SLC25A33: variants seen among roughly 807,000 people sequenced by gnomAD.
The protein encoded by SLC25A33 is solute carrier family 25 member 33.
In SLC25A33, 15 loss-of-function variants were observed where a neutral mutation model predicts 35.5. The observed-to-expected ratio is 0.42, with a 90% CI of 0.28 to 0.65. SLC25A33 has a LOEUF of 0.65. Ranked by LOEUF, SLC25A33 falls within the 30% of genes least tolerant of loss-of-function variation. SLC25A33 has a pLI of 0.20. For synonymous variants in SLC25A33, 136 were observed against 148.7 expected, an observed-to-expected ratio of 0.91 and a Z score of 0.62; for missense variants, 257 against 398.5, an observed-to-expected ratio of 0.64 and a Z score of 3.02.
rs573629970 is a variant in SLC25A33, at chr1:9,571,438, C to CA, written c.415+1081dup. On this transcript the variant is annotated intron_variant, in intron 4 of 6. Transcript: ENST00000302692. Reference sequence around the variant, plus strand: ...CCTCCCGAGTAGTTGGGACTATAGGCACGTGTCACCACACCCAGCCAATTT... The same window carrying CA: ...CCTCCCGAGTAGTTGGGACTATAGGCAACGTGTCACCACACCCAGCCAATTT... Among the ~76,000 whole-genome samples, 23 of 151,956 alleles carry CA rather than the reference C, an allele frequency of 1.5e-4. No homozygotes were observed. The East Asian group carries it at 1.7e-3, about 12-fold the overall frequency.
At chr1:9,574,960 T>C (rs543496808) in intron 5 of SLC25A33, among the ~76,000 whole-genome samples, 5 of 152,162 alleles carry the variant, frequency 3.3e-5, no homozygotes, top group Admixed American at 3.3e-4. Context: ...ACACCTGTAA[T>C]CCCAGCACTT....
Position 9,564,899 on chromosome 1 carries a change from G to T in SLC25A33, c.237-2385G>T, listed in dbSNP as rs539522698. On this transcript the variant is annotated intron_variant, in intron 2 of 6. Transcript: ENST00000302692. The stretch of plus-strand genomic sequence containing the variant: ...AGATCGTCCCACTGCACTCCAGCCT[G>T]GGTGATGGAGTAAGACCCTGTCTCA... Among the ~76,000 whole-genome samples, 3 of 151,414 alleles carry T rather than the reference G, an allele frequency of 2.0e-5. No homozygotes were observed. The East Asian group carries it at 5.8e-4, about 29-fold the overall frequency.
chr1:9,549,954 T>G (rs1046935855), intron 1 of SLC25A33, among the ~76,000 whole-genome samples: 51 of 144,174 alleles, frequency 3.5e-4, no homozygotes, highest in African/African-American at 1.3e-3. Flanking sequence ...ATATGTATCT[T>G]TATATATATA....
chr1:9,580,317 C>A (rs1163644130), intron 6 of SLC25A33, 83 bp downstream of exon 6: 1 of 1,519,092 alleles, frequency 6.6e-7, no homozygotes, highest in Non-Finnish European at 8.9e-7. Flanking sequence ...TTCTGAGGCG[C>A]ACATTGAGGC....
intron 1 of SLC25A33, among the ~76,000 whole-genome samples, chr1:9,551,823 G>A (rs1259060566): frequency 6.6e-6 from 1 of 152,190 alleles, no homozygotes; most frequent in Non-Finnish European, 1.5e-5. Flanking sequence ...GGAAAGATAA[G>A]TAAGGCCCCA....
intron 2 of SLC25A33, among the ~76,000 whole-genome samples, chr1:9,562,347 C>CAAA (rs56748646): frequency 5.3e-4 from 45 of 84,158 alleles, no homozygotes; most frequent in African/African-American, 1.3e-3. Context: ...GACTCCATCT[C>CAAA]AAAAAAAAAA....
At chr1:9,567,182 C>A in intron 2 of SLC25A33, 102 bp from the exon 3 acceptor site, 1 of 973,826 alleles carries the variant, frequency 1.0e-6, no homozygotes, top group South Asian at 1.6e-5. Flanking sequence ...ATCTCTCAAA[C>A]ATTTTATTCT....
At chr1:9,552,080 A>G (rs1643273904) in intron 1 of SLC25A33, among the ~76,000 whole-genome samples, 1 of 152,218 alleles carries the variant, frequency 6.6e-6, no homozygotes, top group Non-Finnish European at 1.5e-5. Context: ...ATATCTCGAT[A>G]TGAATATAAG....
At chr1:9,546,278 G>A (rs1399770164) in intron 1 of SLC25A33, among the ~76,000 whole-genome samples, 3 of 143,664 alleles carry the variant, frequency 2.1e-5, no homozygotes, top group East Asian at 2.2e-4. Flanking sequence ...TCCATCTCCC[G>A]GGTTCACGCC....
At chr1:9,555,369 T>C (rs562106304) in intron 2 of SLC25A33, among the ~76,000 whole-genome samples, 148 of 152,090 alleles carry the variant, frequency 9.7e-4, no homozygotes, top group South Asian at 2.3e-3. Context: ...CCGCCCACCT[T>C]GACCTCCCAA....
intron 5 of SLC25A33, among the ~76,000 whole-genome samples, chr1:9,577,283 C>G (rs1299268742): frequency 6.6e-6 from 1 of 152,050 alleles, no homozygotes; most frequent in Admixed American, 6.6e-5. Flanking sequence ...CATGGTGAAA[C>G]CCTGTCCTAC....
At chr1:9,565,047 A>G (rs890699757) in intron 2 of SLC25A33, among the ~76,000 whole-genome samples, 2 of 152,126 alleles carry the variant, frequency 1.3e-5, no homozygotes, top group Non-Finnish European at 2.9e-5. Context: ...AGAGATACCT[A>G]GAGTTGTCAG....
rs578143457 is a variant in SLC25A33, at chr1:9,582,229, T to A, written c.764-70T>A. ...GCACCCGGCCTAACCTTGACAGTTT[T>A]AAAGTTGTGTGCTGTGGATTCGTTC... On this transcript the variant is annotated intron_variant, in intron 6 of 6. Coordinates refer to ENST00000302692, the MANE Select transcript of SLC25A33 (RefSeq NM_032315.3). The surrounding 1 kb of genome is among the most constrained non-coding windows in gnomAD (Gnocchi z 4.0). The A allele has an allele frequency of 1.8e-5, 28 of 1,557,862 alleles. No individual in the cohort carries two copies. In the Admixed American group the frequency reaches 3.9e-4, roughly 21 times the overall value.
chr1:9,540,163 C>CG, intron 1 of SLC25A33, among the ~76,000 whole-genome samples: 2 of 152,268 alleles, frequency 1.3e-5, no homozygotes, highest in Non-Finnish European at 2.9e-5. Flanking sequence ...CGCTGATGCT[C>CG]GGGTGTGCCC....
chr1:9,539,573 G>C lies in SLC25A33; in HGVS notation c.-119G>C. The C allele has an allele frequency of 2.8e-6, 2 of 701,766 alleles. No individual in the cohort carries two copies. Among genetic ancestry groups the C allele is most frequent in the Non-Finnish European group, 1.9e-6 (1 of 516,380 alleles). 43.5% of individuals were successfully genotyped at this position (701,766 alleles called of 1,614,324 possible). A position where few individuals can be genotyped will look rare whatever the true frequency, so the allele number is the denominator to read the frequency against. ...CGTTGGAGCCCGCGCGCGCATGGAGGCGTTGCCGGCAGCCCCCTGAGGGCA... is the reference window on the plus strand; with the variant it reads ...CGTTGGAGCCCGCGCGCGCATGGAGCCGTTGCCGGCAGCCCCCTGAGGGCA... On this transcript the variant is annotated 5_prime_UTR_variant, in exon 1 of 7. Transcript: ENST00000302692.
intron 5 of SLC25A33, among the ~76,000 whole-genome samples, 189 bp downstream of exon 5, chr1:9,573,601 G>T (rs544592071): frequency 6.6e-6 from 1 of 152,126 alleles, no homozygotes; most frequent in African/African-American, 2.4e-5. Context: ...AGATGAGGGC[G>T]ACAGAGATGA....
Position 9,573,141 on chromosome 1 carries a change from T to G in SLC25A33, c.416-205T>G, listed in dbSNP as rs550007186. Among the ~76,000 whole-genome samples, 5 of 152,282 alleles carry G rather than the reference T, an allele frequency of 3.3e-5. No individual in the cohort carries two copies. The South Asian group carries it at 1.0e-3, about 32-fold the overall frequency. On this transcript the variant is annotated intron_variant, in intron 4 of 6. Coordinates refer to ENST00000302692, the MANE Select transcript of SLC25A33 (RefSeq NM_032315.3). Reference sequence around the variant, plus strand: ...ATTCTAGAAAATTAAGAGAAATTTATTTTAGATCCAGCAATACCAATAGAT... The same window carrying G: ...ATTCTAGAAAATTAAGAGAAATTTAGTTTAGATCCAGCAATACCAATAGAT...
chr1:9,566,495 C>T (rs1306816612), intron 2 of SLC25A33, among the ~76,000 whole-genome samples: 1 of 152,166 alleles, frequency 6.6e-6, no homozygotes, highest in Non-Finnish European at 1.5e-5. Context: ...CACCCTCTGC[C>T]AGATACTCAT....
Position 9,580,019 on chromosome 1 carries a change from T to C in SLC25A33, c.548T>C (p.Ile183Thr), listed in dbSNP as rs138762779. Residue 183 changes from isoleucine (I) to threonine (T), a missense_variant, in exon 6 of 7, where the codon ATT (isoleucine) becomes ACT (threonine). By Grantham distance (89) the Ile-to-Thr change is moderately conservative. Coordinates refer to ENST00000302692, the MANE Select transcript of SLC25A33 (RefSeq NM_032315.3). ...CARYVYQTEG[I>T]RGFYRGLTAS... ...CGTTACGTTTACCAGACCGAAGGCA[T>C]TCGTGGCTTCTATAGAGGATTAACT... 2 of 1,613,488 alleles carry C rather than the reference T, an allele frequency of 1.2e-6. No individual in the cohort carries two copies. The highest frequency in any genetic ancestry group is 1.7e-6 in the Non-Finnish European group (2 of 1,179,726).
Sources: allele counts gnomAD v4.1 joint callset (sites outside exome capture counted in the v4.1 genomes callset), GRCh38; gene constraint gnomAD v4.1.1; non-coding constraint Gnocchi (gnomAD v3.1); transcripts MANE v1.5; gene names NCBI Gene and HGNC (gene_info 2026-07-23, HGNC 2026-07-21).